Variants in ACTRT1 observed in about 807,000 individuals in gnomAD.
ACTRT1 encodes the protein actin-related protein T1.
ACTRT1 carries 1 observed loss-of-function variant against 1.4 expected under a neutral mutation model. That is an observed-to-expected ratio of 0.69 (90% CI 0.25 to 3.28). ACTRT1 has a LOEUF of 3.28. Among genes scored for constraint, ACTRT1 ranks in the 30% most tolerant of loss-of-function variants. The pLI, the probability that ACTRT1 is intolerant of heterozygous loss-of-function variation, is 0.20. For missense variants in ACTRT1, 334 were observed against 291.5 expected, an observed-to-expected ratio of 1.15 and a Z score of -1.06; for synonymous variants, 121 against 115.2, an observed-to-expected ratio of 1.05 and a Z score of -0.32.
chrX:128,051,430 G>T lies in ACTRT1; in HGVS notation c.777C>A (p.Pro259=), dbSNP rs374313675. ...GCTGGTCAGGTGCAAAAAGAACCTC[G>T]GGCACTTGGTACAGCTCATCCCCAA... ...IHFGDELYQV[P]EVLFAPDQLG... is the part of the protein sequence containing the mutation. Residue 259 remains proline, a synonymous_variant, in exon 1 of 1, where the codon CCC becomes CCA. Coordinates refer to ENST00000371124, the MANE Select transcript of ACTRT1 (RefSeq NM_138289.4). 1.1e-5 allele frequency: 13 copies of T among 1,208,159 alleles called. No individual in the cohort carries two copies. In the African/African-American group the frequency reaches 2.1e-4, roughly 20 times the overall value.
Position 128,051,942 on chromosome X carries a change from A to G in ACTRT1, c.265T>C (p.Trp89Arg). ...AGCTCCCGCTCAAAGAGATGTTTCCAGAGTTTCTCCATGTCATCCCATCCT... is the reference window on the plus strand; with the variant it reads ...AGCTCCCGCTCAAAGAGATGTTTCCGGAGTTTCTCCATGTCATCCCATCCT... ...VTGWDDMEKL[W>R]KHLFERELGV... The change falls in exon 1 of 1, where the codon TGG becomes CGG. Residue 89 changes from tryptophan to arginine, a missense_variant. Trp to Arg is a moderately radical substitution (Grantham distance 101). Coordinates refer to ENST00000371124, the MANE Select transcript of ACTRT1 (RefSeq NM_138289.4). 1 of 1,211,918 alleles carries G rather than the reference A, an allele frequency of 8.3e-7. No individual in the cohort carries two copies. The highest frequency in any genetic ancestry group is 2.3e-4 in the Middle Eastern group (1 of 4,353).
rs755479972 is a variant in ACTRT1 at position 128,052,231 on chromosome X, TC to T, written c.-26del. ...TGTCTGTAATATGTTCTCCTGGACT[TC>T]CCCCAAATAAAGAAAGAACACTTAC... On this transcript the variant is annotated 5_prime_UTR_variant, in exon 1 of 1. Coordinates refer to ENST00000371124, the MANE Select transcript of ACTRT1 (RefSeq NM_138289.4). 3 of 1,144,156 alleles carry T rather than the reference TC, an allele frequency of 2.6e-6. No individual in the cohort carries two copies. Among genetic ancestry groups the T allele is most frequent in the East Asian group, 6.0e-5 (2 of 33,167 alleles). The allele number at this position is 1,144,156 out of a possible 1,213,427, so 94.3% of individuals were successfully genotyped here.
chrX:128,051,223 G>C lies in ACTRT1; in HGVS notation c.984C>G (p.Ile328Met). 8.3e-7 allele frequency: 1 copy of C among 1,210,921 alleles called. No homozygotes were observed. The highest frequency in any genetic ancestry group is 1.1e-6 in the Non-Finnish European group (1 of 895,367). The change falls in exon 1 of 1, where the codon ATC becomes ATG. Residue 328 changes from isoleucine to methionine, a missense_variant. By Grantham distance (10) the Ile-to-Met change is conservative (BLOSUM62 1). Transcript: ENST00000371124. ...VEQLASKGTP[I>M]KITASPDRCF... Reference sequence around the variant, plus strand: ...ATCTATCAGGAGAAGCTGTGATCTTGATGGGAGTACCTTTGGAAGCCAGCT... The same window carrying C: ...ATCTATCAGGAGAAGCTGTGATCTTCATGGGAGTACCTTTGGAAGCCAGCT...
In ACTRT1 at chrX:128,052,016, T is replaced by G; in HGVS notation, c.191A>C (p.Lys64Thr). 1.7e-6 allele frequency: 2 copies of G among 1,211,564 alleles called. No individual in the cohort carries two copies. Among genetic ancestry groups the G allele is most frequent in the Non-Finnish European group, 2.2e-6 (2 of 895,454 alleles). The change falls in exon 1 of 1, where the codon AAG becomes ACG. Residue 64 changes from lysine to threonine, a missense_variant. Lys to Thr is a moderately conservative substitution (Grantham distance 78, BLOSUM62 -1). Coordinates refer to ENST00000371124, the MANE Select transcript of ACTRT1 (RefSeq NM_138289.4). ...KYFVGQEALY[K>T]YEALHLHYPI... ...GTAGTGCAAATGTAGGGCCTCATAC[T>G]TGTACAGGGCTTCTTGCCCCACGAA...
chrX:128,051,340 G>A lies in ACTRT1; in HGVS notation c.867C>T (p.Asp289=). The A allele has an allele frequency of 8.3e-7, 1 of 1,210,755 alleles. No individual in the cohort carries two copies. Among genetic ancestry groups the A allele is most frequent in the Non-Finnish European group, 1.1e-6 (1 of 895,363 alleles). ...TGTCTGCATAAAGTTTATTCTGGAT[G>A]TCAGTGTCACACTTCATGATGCTGC... is the stretch of plus-strand genomic sequence containing the variant. ...VSSSIMKCDT[D]IQNKLYADIV... Residue 289 remains aspartate, a synonymous_variant, in exon 1 of 1, where the codon GAC becomes GAT. Transcript: ENST00000371124.
Position 128,052,382 on chromosome X carries a change from C to T in ACTRT1, c.-176G>A, listed in dbSNP as rs993841499. On this transcript the variant is annotated 5_prime_UTR_variant, in exon 1 of 1. Transcript: ENST00000371124. ...TCCACCAGGACACCCCATCCTCAACCTCTGAATCTTATCTCCATTCTGTAG... is the reference window on the plus strand; with the variant it reads ...TCCACCAGGACACCCCATCCTCAACTTCTGAATCTTATCTCCATTCTGTAG... 2.9e-5 allele frequency: 13 copies of T among 441,409 alleles called. No homozygotes were observed. The highest frequency in any genetic ancestry group is 4.9e-5 in the Non-Finnish European group (13 of 263,278). 36.4% of individuals were successfully genotyped at this position (441,409 alleles called of 1,213,427 possible).
Position 128,052,176 on chromosome X carries a change from C to A in ACTRT1, c.31G>T (p.Ala11Ser). 8.3e-7 allele frequency: 1 copy of A among 1,205,833 alleles called. No homozygotes were observed. Among genetic ancestry groups the A allele is most frequent in the Non-Finnish European group, 1.1e-6 (1 of 892,602 alleles). ...CCTGAACCATTGTCAAAAATTACAG[C>A]AGGAACATCTAATGCATGTGGATTA... MFNPHALDVPAVIFDNGSGLC... is the reference protein window; with the variant it reads MFNPHALDVPSVIFDNGSGLC... The change falls in exon 1 of 1, where the codon GCT (alanine) becomes TCT (serine). Residue 11 changes from alanine (A) to serine (S), a missense_variant. Transcript: ENST00000371124.
rs1927746861 is a variant in ACTRT1 at position 128,051,004 on chromosome X, G to A, written c.*72C>T. ...TTATTGAACATCATGCTGAAGCCCA[G>A]AAGAAAATGCCATCTCCCACTGGTA... is the stretch of plus-strand genomic sequence containing the variant. On this transcript the variant is annotated 3_prime_UTR_variant, in exon 1 of 1. Transcript: ENST00000371124. 3 of 1,110,420 alleles carry A rather than the reference G, an allele frequency of 2.7e-6. No homozygotes were observed. Among genetic ancestry groups the A allele is most frequent in the South Asian group, 2.1e-5 (1 of 46,975 alleles). 91.5% of individuals were successfully genotyped at this position (1,110,420 alleles called of 1,213,427 possible). A position where few individuals can be genotyped will look rare whatever the true frequency, so the allele number is the denominator to read the frequency against.
chrX:128,051,888 G>A lies in ACTRT1; in HGVS notation c.319C>T (p.Leu107Phe), dbSNP rs1927776202. The change falls in exon 1 of 1, where the codon CTT becomes TTT. Residue 107 changes from leucine (L) to phenylalanine (F), a missense_variant. Transcript: ENST00000371124. ...LGVKPSQQPV[L>F]MTEPSLNPRE... ...GGATTCAAAGAGGGCTCGGTCATAA[G>A]TACAGGCTGTTGGCTGGGTTTTACT... The A allele has an allele frequency of 3.3e-6, 4 of 1,211,743 alleles. No individual in the cohort carries two copies. In the South Asian group the frequency reaches 7.0e-5, roughly 21 times the overall value.
In ACTRT1 at chrX:128,051,152, C is replaced by G. The variant is rs1569354440; in HGVS notation, c.1055G>C (p.Ser352Thr). 1 of 1,209,884 alleles carries G rather than the reference C, an allele frequency of 8.3e-7. No individual in the cohort carries two copies. Among genetic ancestry groups the G allele is most frequent in the East Asian group, 3.0e-5 (1 of 33,618 alleles). The change falls in exon 1 of 1, where the codon AGT (serine) becomes ACT (threonine). Residue 352 changes from serine to threonine, a missense_variant. Transcript: ENST00000371124. ...IGASIMTSMS[S>T]FKQMWVTSAD... ...CGAGGTGACCCACATCTGCTTGAAA[C>G]TGCTCATAGAGGTCATGATGGATGC...
Position 128,051,314 on chromosome X carries a change from A to G in ACTRT1, c.893T>C (p.Ile298Thr). 8.3e-7 allele frequency: 1 copy of G among 1,210,223 alleles called. No individual in the cohort carries two copies. Among genetic ancestry groups the G allele is most frequent in the Non-Finnish European group, 1.1e-6 (1 of 895,222 alleles). ...GAGAGTGGTGCCCCCGGAGAGTACA[A>G]TGTCTGCATAAAGTTTATTCTGGAT... ...TDIQNKLYADIVLSGGTTLLP... is the reference protein window; with the variant it reads ...TDIQNKLYADTVLSGGTTLLP... Residue 298 changes from isoleucine (I) to threonine (T), a missense_variant, in exon 1 of 1, where the codon ATT (isoleucine) becomes ACT (threonine). Transcript: ENST00000371124.
chrX:128,051,643 G>T lies in ACTRT1; in HGVS notation c.564C>A (p.Ile188=), dbSNP rs760150527. ...AGAGGAGCCGGGTGAGGTGCTCTGT[G>T]ATGTCCCTCCCTGCCATACAGAGTT... ...VTKLCMAGRD[I]TEHLTRLLFA... Residue 188 remains isoleucine, a synonymous_variant, in exon 1 of 1, where the codon ATC becomes ATA. Transcript: ENST00000371124. 9.9e-6 allele frequency: 12 copies of T among 1,211,122 alleles called. No homozygotes were observed. The South Asian group carries it at 2.1e-4, about 21-fold the overall frequency.
rs1395425301 is a variant in ACTRT1, at chrX:128,051,130, G to A, written c.1077C>T (p.Thr359=). 8.3e-7 allele frequency: 1 copy of A among 1,209,840 alleles called. No individual in the cohort carries two copies. ...SMSSFKQMWV[T]SADFKEYGTS... ...TCCCATACTCCTTGAAGTCTGCCGAGGTGACCCACATCTGCTTGAAACTGC... is the reference window on the plus strand; with the variant it reads ...TCCCATACTCCTTGAAGTCTGCCGAAGTGACCCACATCTGCTTGAAACTGC... Residue 359 remains threonine (T), a synonymous_variant, in exon 1 of 1, where the codon ACC becomes ACT. Transcript: ENST00000371124.
At position 128,052,132 on chromosome X, in the gene ACTRT1, C is replaced by T; in HGVS notation, c.75G>A (p.Leu25=). Reference sequence around the variant, plus strand: ...CATGGCGGGGTCCAATCTCTCCAGACAGGCCTGCTTTGCAGAGTCCTGAAC... The same window carrying T: ...CATGGCGGGGTCCAATCTCTCCAGATAGGCCTGCTTTGCAGAGTCCTGAAC... The part of the protein sequence containing the change: ...DNGSGLCKAG[L]SGEIGPRHVI... Residue 25 remains leucine (L), a synonymous_variant, in exon 1 of 1, where the codon CTG becomes CTA. Transcript: ENST00000371124. 1 of 1,211,619 alleles carries T rather than the reference C, an allele frequency of 8.3e-7. No individual in the cohort carries two copies. The highest frequency in any genetic ancestry group is 1.8e-5 in the South Asian group (1 of 56,951).
chrX:128,051,515 C>T lies in ACTRT1; in HGVS notation c.692G>A (p.Arg231His), dbSNP rs200995211. The T allele has an allele frequency of 1.2e-5, 15 of 1,211,003 alleles. No individual in the cohort carries two copies. The highest frequency in any genetic ancestry group is 5.3e-5 in the South Asian group (3 of 56,896). ...TCCCAGGACCTCTCCCCGGCTCTTGCGTAGCTCTTTCTCTGGCTCCAAGGC... is the reference window on the plus strand; with the variant it reads ...TCCCAGGACCTCTCCCCGGCTCTTGTGTAGCTCTTTCTCTGGCTCCAAGGC... Reference protein sequence around the residue: ...YIALEPEKELRKSRGEVLGAY... With the variant: ...YIALEPEKELHKSRGEVLGAY... The change falls in exon 1 of 1, where the codon CGC becomes CAC. Residue 231 changes from arginine to histidine, a missense_variant. Transcript: ENST00000371124.
In ACTRT1 at chrX:128,051,392, C is replaced by T; in HGVS notation, c.815G>A (p.Ser272Asn). The T allele has an allele frequency of 8.3e-7, 1 of 1,210,610 alleles. No homozygotes were observed. Among genetic ancestry groups the T allele is most frequent in the Non-Finnish European group, 1.1e-6 (1 of 895,316 alleles). ...GGAGACCATTTTTGAGAGTCCTGGG[C>T]TGTGGATGCCCAGCTGGTCAGGTGC... ...LFAPDQLGIH[S>N]PGLSKMVSSS... The change falls in exon 1 of 1, where the codon AGC becomes AAC. Residue 272 changes from serine (S) to asparagine (N), a missense_variant. By Grantham distance (46) the Ser-to-Asn change is conservative (BLOSUM62 1). Coordinates refer to ENST00000371124, the MANE Select transcript of ACTRT1 (RefSeq NM_138289.4).
At position 128,051,852 on chromosome X, in the gene ACTRT1, G is replaced by C; in HGVS notation, c.355C>G (p.Arg119Gly). Reference sequence around the variant, plus strand: ...AACATCATTTCTGCTAGCTTTTCTCGAATTTCCCTAGGATTCAAAGAGGGC... The same window carrying C: ...AACATCATTTCTGCTAGCTTTTCTCCAATTTCCCTAGGATTCAAAGAGGGC... ...TEPSLNPREIREKLAEMMFET... is the reference protein window; with the variant it reads ...TEPSLNPREIGEKLAEMMFET... The change falls in exon 1 of 1, where the codon CGA (arginine) becomes GGA (glycine). Residue 119 changes from arginine (R) to glycine (G), a missense_variant. Transcript: ENST00000371124. The C allele has an allele frequency of 1.7e-6, 2 of 1,211,477 alleles. No individual in the cohort carries two copies. The highest frequency in any genetic ancestry group is 2.2e-6 in the Non-Finnish European group (2 of 895,452).
Position 128,051,874 on chromosome X carries a change from G to A in ACTRT1, c.333C>T (p.Pro111=). The A allele has an allele frequency of 1.7e-6, 2 of 1,211,631 alleles. No individual in the cohort carries two copies. Among genetic ancestry groups the A allele is most frequent in the Admixed American group, 2.2e-5 (1 of 46,045 alleles). The change falls in exon 1 of 1, where the codon CCC becomes CCT. Residue 111 remains proline, a synonymous_variant. Transcript: ENST00000371124. The part of the protein sequence containing the change: ...PSQQPVLMTE[P]SLNPREIREK... Reference sequence around the variant, plus strand: ...CTCGAATTTCCCTAGGATTCAAAGAGGGCTCGGTCATAAGTACAGGCTGTT... The same window carrying A: ...CTCGAATTTCCCTAGGATTCAAAGAAGGCTCGGTCATAAGTACAGGCTGTT...
chrX:128,051,181 A>G lies in ACTRT1; in HGVS notation c.1026T>C (p.Ile342=). The change falls in exon 1 of 1, where the codon ATT becomes ATC. Residue 342 remains isoleucine (I), a synonymous_variant. Coordinates refer to ENST00000371124, the MANE Select transcript of ACTRT1 (RefSeq NM_138289.4). ...TCATAGAGGTCATGATGGATGCACCAATCCATGCAGAGAAGCATCTATCAG... is the reference window on the plus strand; with the variant it reads ...TCATAGAGGTCATGATGGATGCACCGATCCATGCAGAGAAGCATCTATCAG... ...ASPDRCFSAW[I]GASIMTSMSS... is the part of the protein sequence containing the mutation. 8.3e-7 allele frequency: 1 copy of G among 1,210,473 alleles called. No individual in the cohort carries two copies. Among genetic ancestry groups the G allele is most frequent in the South Asian group, 1.8e-5 (1 of 56,836 alleles).
Sources: allele counts gnomAD v4.1 joint callset, GRCh38; gene constraint gnomAD v4.1.1; transcripts MANE v1.5; gene names NCBI Gene and HGNC (gene_info 2026-07-23, HGNC 2026-07-21).